RTN4RL1: variants seen among roughly 807,000 people sequenced by gnomAD.
RTN4RL1 encodes reticulon-4 receptor-like 1.
In RTN4RL1, 7 loss-of-function variants were observed where a neutral mutation model predicts 25.6. The ratio of observed to expected loss-of-function variants is 0.27; its 90% CI spans 0.16 to 0.51. The LOEUF (loss-of-function observed/expected upper bound fraction) is 0.51. Ranked by LOEUF, RTN4RL1 falls within the 20% of genes least tolerant of loss-of-function variation. The pLI is 0.97. For missense variants in RTN4RL1, 500 were observed against 615.6 expected, an observed-to-expected ratio of 0.81 and a Z score of 1.99; for synonymous variants, 297 against 288.2, an observed-to-expected ratio of 1.03 and a Z score of -0.31.
intron 1 of RTN4RL1, among the ~76,000 whole-genome samples, chr17:1,977,298 C>G (rs2066846354): frequency 6.6e-6 from 1 of 152,160 alleles, no homozygotes; most frequent in South Asian, 2.1e-4. Context: ...GAGTCAGGCC[C>G]GAGAGCGCCC....
chr17:1,974,311 A>G (rs2066833347), intron 1 of RTN4RL1, among the ~76,000 whole-genome samples: 1 of 152,000 alleles, frequency 6.6e-6, no homozygotes, highest in Non-Finnish European at 1.5e-5. Flanking sequence ...GGATGGCTTG[A>G]GCCCAGGAGG....
intron 1 of RTN4RL1, among the ~76,000 whole-genome samples, chr17:1,997,769 G>A (rs2066935949): frequency 1.3e-5 from 2 of 152,202 alleles, no homozygotes; most frequent in African/African-American, 4.8e-5. Flanking sequence ...TAAACCACTA[G>A]GACTCGGAGG....
At chr17:1,975,216 T>C (rs1250553255) in intron 1 of RTN4RL1, among the ~76,000 whole-genome samples, 1 of 152,198 alleles carries the variant, frequency 6.6e-6, no homozygotes, top group Non-Finnish European at 1.5e-5. Flanking sequence ...TAAAGCCTCT[T>C]ATTAGCATCT....
At chr17:1,972,014 C>T (rs9303228) in intron 1 of RTN4RL1, among the ~76,000 whole-genome samples, 135,662 of 149,040 alleles carry the variant, frequency 0.91, 61,961 homozygotes, top group Middle Eastern at 0.96. Flanking sequence ...GGCACACACC[C>T]GTAGTCCCAG....
At chr17:2,002,304 T>G (rs1277603114) in intron 1 of RTN4RL1, among the ~76,000 whole-genome samples, 10 of 151,172 alleles carry the variant, frequency 6.6e-5, no homozygotes, top group African/African-American at 4.9e-5. Flanking sequence ...ATTTTAATTT[T>G]TTTTTTGAGA....
intron 1 of RTN4RL1, among the ~76,000 whole-genome samples, chr17:1,948,023 T>C (rs1161651543): frequency 6.6e-6 from 1 of 152,114 alleles, no homozygotes; most frequent in Non-Finnish European, 1.5e-5. Context: ...CACTCCTGCT[T>C]AGGGCTCTCC....
intron 1 of RTN4RL1, among the ~76,000 whole-genome samples, chr17:1,966,886 C>CA (rs2066793688): frequency 6.6e-6 from 1 of 152,160 alleles, no homozygotes; most frequent in African/African-American, 2.4e-5. Flanking sequence ...CCTTCAGGGG[C>CA]CCTTCCAAAC....
At position 2,000,595 on chromosome 17, in the gene RTN4RL1, G is replaced by A. The variant is rs140089676; in HGVS notation, c.13+24258C>T. Among the ~76,000 whole-genome samples the A allele has an allele frequency of 2.9e-3, 433 of 151,870 alleles. 3 individuals are homozygous for A. Among genetic ancestry groups the A allele is most frequent in the African/African-American group, 0.01 (415 of 41,392 alleles). On this transcript the variant is annotated intron_variant, in intron 1 of 1. Transcript: ENST00000331238. ...GGCTGGTGTGCAATGGTGCGATCTC[G>A]GCTCACCTCCGTCTCCCAGGTTCAA... is the stretch of plus-strand genomic sequence containing the variant.
intron 1 of RTN4RL1, among the ~76,000 whole-genome samples, chr17:1,949,948 G>T (rs1231706205): frequency 6.6e-6 from 1 of 152,220 alleles, no homozygotes; most frequent in Non-Finnish European, 1.5e-5. Flanking sequence ...CAGGTGCAAA[G>T]GCCCTGAGGC....
chr17:1,975,565 C>T (rs1466867621), intron 1 of RTN4RL1, among the ~76,000 whole-genome samples: 1 of 152,026 alleles, frequency 6.6e-6, no homozygotes, highest in African/African-American at 2.4e-5. Flanking sequence ...GCAGGAGAAT[C>T]GCTTGAACCC....
At chr17:1,951,259 C>A (rs922313050) in intron 1 of RTN4RL1, among the ~76,000 whole-genome samples, 1 of 144,318 alleles carries the variant, frequency 6.9e-6, no homozygotes, top group East Asian at 2.0e-4. Context: ...AGCGAGACTC[C>A]GTCTCAAAAA....
At position 1,935,695 on chromosome 17, in the gene RTN4RL1, G is replaced by A; in HGVS notation, c.*801C>T. The A allele has an allele frequency of 1.2e-6, 1 of 830,784 alleles. No individual in the cohort carries two copies. Among genetic ancestry groups the A allele is most frequent in the Non-Finnish European group, 1.4e-6 (1 of 696,686 alleles). 51.5% of individuals were successfully genotyped at this position (830,784 alleles called of 1,614,324 possible). On this transcript the variant is annotated 3_prime_UTR_variant, in exon 2 of 2. Coordinates refer to ENST00000331238, the MANE Select transcript of RTN4RL1 (RefSeq NM_178568.4). ...TACAGTTAGGTAACGGAGTGGGAGGGGGACTGTGCATTTGTGTATATATAT... is the reference window on the plus strand; with the variant it reads ...TACAGTTAGGTAACGGAGTGGGAGGAGGACTGTGCATTTGTGTATATATAT...
At chr17:2,005,217 C>T (rs1293888736) in intron 1 of RTN4RL1, among the ~76,000 whole-genome samples, 1 of 152,092 alleles carries the variant, frequency 6.6e-6, no homozygotes, top group Non-Finnish European at 1.5e-5. Context: ...ATGTTGTCCA[C>T]GCTGTTCTCA....
chr17:1,950,570 G>A (rs986303948), intron 1 of RTN4RL1, among the ~76,000 whole-genome samples: 4 of 152,230 alleles, frequency 2.6e-5, no homozygotes, highest in African/African-American at 4.8e-5. Flanking sequence ...GAATGAAGCC[G>A]GGGCAGCAGC....
chr17:1,981,974 G>T (rs1043173874), intron 1 of RTN4RL1, among the ~76,000 whole-genome samples: 5 of 152,210 alleles, frequency 3.3e-5, no homozygotes, highest in Admixed American at 3.3e-4. Context: ...TGCTGAACAC[G>T]GCAGGCAACT....
In RTN4RL1 at chr17:1,985,307, C is replaced by T. The variant is rs114611337; in HGVS notation, c.13+39546G>A. ...TCTCACCTCCTCTGTCAACTCTGCCCGGAAATGTGGGCCTTCCCTCTACCT... is the reference window on the plus strand; with the variant it reads ...TCTCACCTCCTCTGTCAACTCTGCCTGGAAATGTGGGCCTTCCCTCTACCT... On this transcript the variant is annotated intron_variant, in intron 1 of 1. Transcript: ENST00000331238. 4.7e-3 allele frequency among the ~76,000 whole-genome samples: 722 copies of T among 152,298 alleles called. 8 individuals are homozygous for T. The highest frequency in any genetic ancestry group is 0.016 in the African/African-American group (654 of 41,564).
chr17:1,938,173 C>G (rs73976143), intron 1 of RTN4RL1, among the ~76,000 whole-genome samples: 45 of 152,356 alleles, frequency 3.0e-4, no homozygotes, highest in African/African-American at 1.0e-3. Context: ...GCCTCCTGCT[C>G]TCCTCCTAGC....
chr17:1,967,921 G>A (rs974798964), intron 1 of RTN4RL1, among the ~76,000 whole-genome samples: 1 of 152,104 alleles, frequency 6.6e-6, no homozygotes. Flanking sequence ...GATTACAGGC[G>A]TGAGCCATCG....
intron 1 of RTN4RL1, among the ~76,000 whole-genome samples, chr17:1,958,674 C>A (rs1017075034): frequency 6.6e-6 from 1 of 152,322 alleles, no homozygotes; most frequent in East Asian, 1.9e-4. Context: ...GAAACAGTTC[C>A]GGCAGGATCG....
Sources: gnomAD v4.1 joint callset for allele counts (sites outside exome capture counted in the v4.1 genomes callset) on GRCh38, gnomAD v4.1.1 for gene constraint, MANE v1.5 for transcripts, NCBI Gene and HGNC (gene_info 2026-07-23, HGNC 2026-07-21) for gene names.